CSMD1: variants seen among roughly 807,000 people sequenced by gnomAD.
The protein encoded by CSMD1 is CUB and Sushi multiple domains 1.
CSMD1 carries 213 observed loss-of-function variants against 417.5 expected under a neutral mutation model. The observed-to-expected ratio is 0.51, with a 90% CI of 0.46 to 0.57. CSMD1 has a LOEUF of 0.57. Among genes scored for constraint, CSMD1 ranks in the 20% least tolerant of loss-of-function variants. The pLI is 0.00. For missense variants in CSMD1, 6,923 were observed against 4,529.7 expected (o/e 1.53, Z -15.17); for synonymous variants, 2,862 against 1,736.8 (o/e 1.65, Z -16.11).
At chr8:4,306,883 T>A (rs1798277923) in intron 3 of CSMD1, among the ~76,000 whole-genome samples, 1 of 152,176 alleles carries the variant, frequency 6.6e-6, no homozygotes, top group South Asian at 2.1e-4. Context: ...AATCTGCAGT[T>A]ATGCTTTCCT....
At chr8:3,314,748 A>T (rs900053327) in intron 23 of CSMD1, among the ~76,000 whole-genome samples, 3 of 152,070 alleles carry the variant, frequency 2.0e-5, no homozygotes, top group African/African-American at 7.3e-5. Flanking sequence ...ATTAAATCCT[A>T]TGTATCTTCT....
chr8:4,003,415 C>T (rs529371182), intron 4 of CSMD1, among the ~76,000 whole-genome samples: 4 of 133,986 alleles, frequency 3.0e-5, no homozygotes, highest in Non-Finnish European at 6.6e-5. Flanking sequence ...AACAAAAAAA[C>T]AAACAAATAA....
intron 5 of CSMD1, among the ~76,000 whole-genome samples, chr8:3,921,351 G>C (rs764569824): frequency 6.6e-6 from 1 of 151,842 alleles, no homozygotes; most frequent in African/African-American, 2.4e-5. Context: ...TAAAATTTCA[G>C]TATTTTTCAT....
At chr8:4,718,906 T>C (rs778667137) in intron 1 of CSMD1, among the ~76,000 whole-genome samples, 4 of 152,088 alleles carry the variant, frequency 2.6e-5, no homozygotes, top group Non-Finnish European at 2.9e-5. Flanking sequence ...TCTATGACAT[T>C]GTATTAAAAA....
At chr8:3,077,528 C>G (rs566798578) in intron 49 of CSMD1, among the ~76,000 whole-genome samples, 1 of 152,358 alleles carries the variant, frequency 6.6e-6, no homozygotes, top group African/African-American at 2.4e-5. Flanking sequence ...CTCATCCTGG[C>G]TGGCAGGTCC....
chr8:3,648,247 T>G (rs1019913317), intron 7 of CSMD1, among the ~76,000 whole-genome samples: 2 of 152,228 alleles, frequency 1.3e-5, no homozygotes, highest in African/African-American at 4.8e-5. Context: ...ACTTTGCTAT[T>G]CCCCAAATTA....
At chr8:4,921,346 G>T (rs892657984) in intron 1 of CSMD1, among the ~76,000 whole-genome samples, 2 of 152,068 alleles carry the variant, frequency 1.3e-5, no homozygotes, top group African/African-American at 4.8e-5. Flanking sequence ...TATAAATTAT[G>T]TTTTAATCTT....
At chr8:4,592,042 A>C (rs956239306) in intron 2 of CSMD1, among the ~76,000 whole-genome samples, 9 of 152,020 alleles carry the variant, frequency 5.9e-5, no homozygotes, top group Non-Finnish European at 2.9e-5. Flanking sequence ...TTTCTTATGG[A>C]CCATTGCATC....
chr8:2,944,226 T>A (rs2128914808), intron 68 of CSMD1, among the ~76,000 whole-genome samples: 1 of 152,312 alleles, frequency 6.6e-6, no homozygotes, highest in Non-Finnish European at 1.5e-5. Flanking sequence ...AATTGGGTGT[T>A]CCCACCCCAG....
intron 2 of CSMD1, among the ~76,000 whole-genome samples, chr8:4,475,223 T>C (rs1219987335): frequency 6.6e-6 from 1 of 152,216 alleles, no homozygotes; most frequent in Non-Finnish European, 1.5e-5. Context: ...GTGGATGGCA[T>C]TCAATACTGT....
chr8:3,434,267 T>C (rs1375297190), intron 12 of CSMD1, among the ~76,000 whole-genome samples: 1 of 152,224 alleles, frequency 6.6e-6, no homozygotes, highest in Non-Finnish European at 1.5e-5. Context: ...TAAAACTGTG[T>C]TTCATTTTCA....
chr8:3,704,729 C>G (rs1801068881), intron 7 of CSMD1: 1 of 152,190 alleles, frequency 6.6e-6, no homozygotes, highest in African/African-American at 2.4e-5. Flanking sequence ...CTTAGACAAC[C>G]AGACCACTGA....
At chr8:4,869,481 GCAGT>G (rs1802609489) in intron 1 of CSMD1, among the ~76,000 whole-genome samples, 1 of 151,938 alleles carries the variant, frequency 6.6e-6, no homozygotes, top group Non-Finnish European at 1.5e-5. Context: ...ACTATATAAT[GCAGT>G]CAAAAGTTTA....
Position 3,670,754 on chromosome 8 carries a change from A to G in CSMD1, c.1009+37660T>C, listed in dbSNP as rs889623181. On this transcript the variant is annotated intron_variant, in intron 7 of 69. Transcript: ENST00000635120. ...TGTATGGGATGTATGTATATGGGATATATATGTATGGGATATATAAGTATA... is the reference window on the plus strand; with the variant it reads ...TGTATGGGATGTATGTATATGGGATGTATATGTATGGGATATATAAGTATA... Among the ~76,000 whole-genome samples the G allele has an allele frequency of 2.7e-5, 4 of 150,708 alleles. No homozygotes were observed. In the East Asian group the frequency reaches 5.9e-4, roughly 22 times the overall value.
At chr8:4,899,072 T>G (rs1457047246) in intron 1 of CSMD1, among the ~76,000 whole-genome samples, 1 of 152,180 alleles carries the variant, frequency 6.6e-6, no homozygotes, top group African/African-American at 2.4e-5. Flanking sequence ...TGTAGCCCTA[T>G]CCTGTGATTT....
chr8:3,689,862 G>C (rs946817492), intron 7 of CSMD1, among the ~76,000 whole-genome samples: 1 of 152,156 alleles, frequency 6.6e-6, no homozygotes, highest in Non-Finnish European at 1.5e-5. Flanking sequence ...CTTTAAATCA[G>C]ATATTTCCTC....
chr8:3,978,095 G>C (rs1585066757), intron 5 of CSMD1, among the ~76,000 whole-genome samples: 1 of 152,196 alleles, frequency 6.6e-6, no homozygotes, highest in African/African-American at 2.4e-5. Context: ...GTGTCTGTGA[G>C]AAAGTCTCAT....
At chr8:3,753,306 A>C (rs1178043452) in intron 6 of CSMD1, among the ~76,000 whole-genome samples, 2 of 152,208 alleles carry the variant, frequency 1.3e-5, no homozygotes, top group African/African-American at 4.8e-5. Context: ...CTGTGTTAAT[A>C]AGGATTACTC....
chr8:4,271,681 C>G (rs1804606694), intron 3 of CSMD1, among the ~76,000 whole-genome samples: 2 of 152,108 alleles, frequency 1.3e-5, no homozygotes, highest in African/African-American at 4.8e-5. Context: ...TTAAGGTATA[C>G]ATCACTATAT....
Sources: gnomAD v4.1 joint callset for allele counts (sites outside exome capture counted in the v4.1 genomes callset) on GRCh38, gnomAD v4.1.1 for gene constraint, MANE v1.5 for transcripts, NCBI Gene and HGNC (gene_info 2026-07-23, HGNC 2026-07-21) for gene names.